The following MYO5B variants were observed in gnomAD, a reference collection of about 807,000 sequenced individuals.
MYO5B encodes unconventional myosin-Vb.
Under a neutral mutation model 229.3 loss-of-function variants are expected in MYO5B, and 143 were observed. That is an observed-to-expected ratio of 0.62 (90% CI 0.54 to 0.72). The LOEUF (loss-of-function observed/expected upper bound fraction) is 0.72. Ranked by LOEUF, MYO5B falls within the 30% of genes least tolerant of loss-of-function variation. MYO5B has a pLI of 0.00. For synonymous variants in MYO5B, 918 were observed against 885.2 expected (o/e 1.04, Z -0.66); for missense variants, 2,321 against 2,331.0 (o/e 1.00, Z 0.09).
intron 21 of MYO5B, among the ~76,000 whole-genome samples, chr18:49,898,891 T>C (rs2024810773): frequency 6.6e-6 from 1 of 152,178 alleles, no homozygotes; most frequent in African/African-American, 2.4e-5. Context: ...GGATACATTT[T>C]TAGAAAAAAG....
At chr18:50,042,534 A>G (rs1404038966) in intron 2 of MYO5B, among the ~76,000 whole-genome samples, 1 of 152,212 alleles carries the variant, frequency 6.6e-6, no homozygotes, top group Non-Finnish European at 1.5e-5. Context: ...TGAACAATTA[A>G]CTATCATGTA....
chr18:50,161,990 T>G (rs2032773753), intron 1 of MYO5B, among the ~76,000 whole-genome samples: 2 of 152,238 alleles, frequency 1.3e-5, no homozygotes, highest in Admixed American at 6.5e-5. Context: ...CATCCACTTT[T>G]TTGTTCATGG....
At chr18:50,167,116 T>G (rs946375107) in intron 1 of MYO5B, among the ~76,000 whole-genome samples, 3 of 152,234 alleles carry the variant, frequency 2.0e-5, no homozygotes, top group Non-Finnish European at 2.9e-5. Context: ...AAGCCACCGC[T>G]GGGAAAAGGC....
chr18:50,021,833 T>C (rs1296292650), intron 4 of MYO5B, among the ~76,000 whole-genome samples: 1 of 151,970 alleles, frequency 6.6e-6, no homozygotes. Context: ...CATTCCTCCT[T>C]CTGTACCAGA....
At chr18:50,091,844 T>A (rs1360014180) in intron 1 of MYO5B, among the ~76,000 whole-genome samples, 1 of 152,102 alleles carries the variant, frequency 6.6e-6, no homozygotes, top group African/African-American at 2.4e-5. Flanking sequence ...GCTAATATAC[T>A]AAAAGGGAAA....
At chr18:50,147,028 G>A (rs1264261025) in intron 1 of MYO5B, among the ~76,000 whole-genome samples, 3 of 152,062 alleles carry the variant, frequency 2.0e-5, no homozygotes, top group Non-Finnish European at 4.4e-5. Flanking sequence ...TTCTACCAGT[G>A]GTCACCATCT....
intron 18 of MYO5B, among the ~76,000 whole-genome samples, chr18:49,908,551 A>C (rs1193976848): frequency 1.3e-5 from 2 of 152,142 alleles, no homozygotes; most frequent in Non-Finnish European, 2.9e-5. Context: ...CAAGTCTCCA[A>C]CTGCAGCATC....
chr18:49,949,885 T>A (rs1306848203), intron 14 of MYO5B, among the ~76,000 whole-genome samples: 2 of 152,136 alleles, frequency 1.3e-5, no homozygotes, highest in African/African-American at 4.8e-5. Context: ...AACTAAAAAT[T>A]TTAAAGAAAA....
At chr18:50,175,129 T>C (rs756735431) in intron 1 of MYO5B, among the ~76,000 whole-genome samples, 2 of 152,200 alleles carry the variant, frequency 1.3e-5, no homozygotes, top group Non-Finnish European at 2.9e-5. Flanking sequence ...GTCCCCTCAG[T>C]AGCCATTCTT....
chr18:49,843,465 T>G lies in MYO5B; in HGVS notation c.4460-73A>C, dbSNP rs563793727. ...AATGGAGGCTGTCAGAATCCTCATC[T>G]GAATAGACGTGTTTTCAATATTTCC... On this transcript the variant is annotated intron_variant, in intron 33 of 39. Transcript: ENST00000285039. 15 of 1,527,740 alleles carry G rather than the reference T, an allele frequency of 9.8e-6. No individual in the cohort carries two copies. In the African/African-American group the frequency reaches 1.6e-4, roughly 17 times the overall value. The allele number at this position is 1,527,740 out of a possible 1,614,324, so 94.6% of individuals were successfully genotyped here. A position where few individuals can be genotyped will look rare whatever the true frequency, so the allele number is the denominator to read the frequency against.
chr18:50,143,969 G>A (rs943612638), intron 1 of MYO5B, among the ~76,000 whole-genome samples: 2 of 152,188 alleles, frequency 1.3e-5, no homozygotes, highest in African/African-American at 4.8e-5. Context: ...CGGACAGAAT[G>A]TTATCACCTT....
chr18:50,048,588 G>A (rs563005310), intron 2 of MYO5B, among the ~76,000 whole-genome samples: 1 of 152,092 alleles, frequency 6.6e-6, no homozygotes, highest in Non-Finnish European at 1.5e-5. Context: ...GCACCCACTC[G>A]ACAAAAGTAA....
chr18:49,865,953 C>T (rs1194608550), intron 27 of MYO5B, among the ~76,000 whole-genome samples: 1 of 152,218 alleles, frequency 6.6e-6, no homozygotes, highest in African/African-American at 2.4e-5. Context: ...CTCCACTCCC[C>T]TCTCCTCCCC....
At chr18:49,848,113 C>T (rs591173) in intron 32 of MYO5B, among the ~76,000 whole-genome samples, 80,621 of 152,148 alleles carry the variant, frequency 0.53, 21,505 homozygotes, top group Middle Eastern at 0.63. Context: ...GTCCTAAGCA[C>T]GGGAACAGAT....
rs187449551 is a variant in MYO5B at position 50,072,405 on chromosome 18, G to A, written c.28-17027C>T. Among the ~76,000 whole-genome samples the A allele has an allele frequency of 5.9e-5, 9 of 152,304 alleles. No individual in the cohort carries two copies. In the South Asian group the frequency reaches 1.7e-3, roughly 28 times the overall value. On this transcript the variant is annotated intron_variant, in intron 1 of 39. Coordinates refer to ENST00000285039, the MANE Select transcript of MYO5B (RefSeq NM_001080467.3). ...GTGGGAGAGAGACAAGAGTGAGTAG[G>A]GAAGGGCATCACATTCAGGGAGTGT... is the stretch of plus-strand genomic sequence containing the variant.
intron 1 of MYO5B, among the ~76,000 whole-genome samples, chr18:50,175,229 TCTTTA>T (rs1441555423): frequency 6.6e-6 from 1 of 152,200 alleles, no homozygotes; most frequent in Non-Finnish European, 1.5e-5. Flanking sequence ...CCTGCCTCCC[TCTTTA>T]CTTTCACTCT....
chr18:49,847,106 G>A (rs1249885490), intron 33 of MYO5B, 40 bp downstream of exon 33: 11 of 1,613,132 alleles, frequency 6.8e-6, no homozygotes, highest in Non-Finnish European at 8.5e-6. Context: ...GGGGGCTGAA[G>A]GAGGGGCAGG....
At chr18:50,045,379 A>T (rs532502998) in intron 2 of MYO5B, among the ~76,000 whole-genome samples, 2 of 152,168 alleles carry the variant, frequency 1.3e-5, no homozygotes, top group Non-Finnish European at 1.5e-5. Context: ...CCTTTGGCAC[A>T]GTGAGTTTGG....
At chr18:49,960,038 C>T (rs1029942709) in intron 12 of MYO5B, among the ~76,000 whole-genome samples, 2 of 152,122 alleles carry the variant, frequency 1.3e-5, no homozygotes, top group East Asian at 3.9e-4. Context: ...TCCTCTGCAG[C>T]TGTGGCACCA....
Sources: allele counts gnomAD v4.1 joint callset (sites outside exome capture counted in the v4.1 genomes callset), GRCh38; gene constraint gnomAD v4.1.1; transcripts MANE v1.5; gene names NCBI Gene and HGNC (gene_info 2026-07-23, HGNC 2026-07-21).